KMT5B: variants seen among roughly 807,000 people sequenced by gnomAD.
The protein encoded by KMT5B is lysine methyltransferase 5B, also known as histone-lysine N-methyltransferase KMT5B.
KMT5B carries 10 observed loss-of-function variants against 83.2 expected under a neutral mutation model. The observed-to-expected ratio is 0.12, with a 90% CI of 0.07 to 0.20. KMT5B has a LOEUF of 0.20. KMT5B is among the 10% of genes least tolerant of loss of function. The pLI, the probability that KMT5B is intolerant of heterozygous loss-of-function variation, is 1.00. For missense variants in KMT5B, 753 were observed against 1,067.2 expected (o/e 0.71, Z 4.10); for synonymous variants, 349 against 388.8 (o/e 0.90, Z 1.20).
chr11:68,171,415 G>A lies in KMT5B; in HGVS notation c.820+128C>T. On this transcript the variant is annotated intron_variant, in intron 7 of 10. Transcript: ENST00000304363. This position sits in a 1 kb window ranked among gnomAD's most constrained non-coding sequence, Gnocchi z 5.1. ...AATATACATTTATTTTAATAAGTTT[G>A]TGGAAACATTTCTATTTCAAATTCT... 7.8e-7 allele frequency: 1 copy of A among 1,284,024 alleles called. No homozygotes were observed. Among genetic ancestry groups the A allele is most frequent in the Non-Finnish European group, 1.1e-6 (1 of 927,050 alleles). 79.5% of individuals were successfully genotyped at this position (1,284,024 alleles called of 1,614,324 possible). A position where few individuals can be genotyped will look rare whatever the true frequency, so the allele number is the denominator to read the frequency against.
chr11:68,157,895 G>C lies in KMT5B; in HGVS notation c.2451C>G (p.Asp817Glu). Residue 817 changes from aspartate (D) to glutamate (E), a missense_variant, in exon 11 of 11, where the codon GAC becomes GAG. Transcript: ENST00000304363. ...SLLESRMEVDDYSQYEEESTD... is the reference protein window; with the variant it reads ...SLLESRMEVDEYSQYEEESTD... ...TACTTTCTTCCTCATACTGACTATAGTCATCCACCTCCATTCGAGACTCCA... is the reference window on the plus strand; with the variant it reads ...TACTTTCTTCCTCATACTGACTATACTCATCCACCTCCATTCGAGACTCCA... 6.2e-7 allele frequency: 1 copy of C among 1,613,984 alleles called. No homozygotes were observed. Among genetic ancestry groups the C allele is most frequent in the Middle Eastern group, 1.6e-4 (1 of 6,062 alleles).
rs76469557 is a variant in KMT5B at position 68,192,593 on chromosome 11, T to C, written c.-76-2441A>G. Among the ~76,000 whole-genome samples the C allele has an allele frequency of 8.7e-4, 133 of 152,286 alleles. No individual in the cohort carries two copies. The East Asian group carries it at 0.02, about 23-fold the overall frequency. On this transcript the variant is annotated intron_variant, in intron 1 of 10. Coordinates refer to ENST00000304363, the MANE Select transcript of KMT5B (RefSeq NM_017635.5). ...TTGGTAATGCTCTGAACTGGGTGAG[T>C]AAACTACAAGGAAGTTATTTATCTC...
At chr11:68,166,941 A>G in intron 10 of KMT5B, 41 bp downstream of exon 10, 1 of 1,605,896 alleles carries the variant, frequency 6.2e-7, no homozygotes, top group South Asian at 1.1e-5. Context: ...TTGTGTGAAA[A>G]TACTTTTAAA....
intron 1 of KMT5B, among the ~76,000 whole-genome samples, chr11:68,205,508 A>G (rs1391465233): frequency 6.6e-6 from 1 of 152,172 alleles, no homozygotes; most frequent in Non-Finnish European, 1.5e-5. Context: ...ACATTTTTCT[A>G]TTTATATTAA....
At chr11:68,205,621 T>A (rs1860002005) in intron 1 of KMT5B, among the ~76,000 whole-genome samples, 1 of 148,484 alleles carries the variant, frequency 6.7e-6, no homozygotes, top group African/African-American at 2.5e-5. Flanking sequence ...ACATTCGCAA[T>A]TCTTTTTTTT....
At chr11:68,204,057 T>C (rs1008218345) in intron 1 of KMT5B, among the ~76,000 whole-genome samples, 4 of 152,212 alleles carry the variant, frequency 2.6e-5, no homozygotes, top group African/African-American at 9.6e-5. Flanking sequence ...CAGGTGGTAA[T>C]GCCCTCACTC....
At chr11:68,186,996 C>T (rs1460575650) in intron 2 of KMT5B, among the ~76,000 whole-genome samples, 3 of 151,952 alleles carry the variant, frequency 2.0e-5, no homozygotes, top group Non-Finnish European at 4.4e-5. Context: ...TACGACACAA[C>T]TCACTTTTTT....
At chr11:68,162,873 ACAGG>A (rs1854982721) in intron 10 of KMT5B, among the ~76,000 whole-genome samples, 2 of 152,342 alleles carry the variant, frequency 1.3e-5, no homozygotes, top group South Asian at 4.1e-4. Context: ...GAAAAAAAAG[ACAGG>A]CAAAGAATTT....
chr11:68,205,202 C>T (rs1203306531), intron 1 of KMT5B, among the ~76,000 whole-genome samples: 1 of 152,036 alleles, frequency 6.6e-6, no homozygotes, highest in Non-Finnish European at 1.5e-5. Context: ...ACTTCAGTCC[C>T]TGCTACTCAG....
chr11:68,190,980 A>G (rs1857976224), intron 1 of KMT5B, among the ~76,000 whole-genome samples: 1 of 152,168 alleles, frequency 6.6e-6, no homozygotes, highest in Non-Finnish European at 1.5e-5. Context: ...AGAAAAGAAA[A>G]TAATAATATA....
intron 10 of KMT5B, among the ~76,000 whole-genome samples, chr11:68,162,144 C>T (rs944751647): frequency 3.9e-5 from 6 of 152,194 alleles, no homozygotes; most frequent in Admixed American, 1.3e-4. Context: ...TTCCCTGTCT[C>T]GAAAGCCACA....
At chr11:68,203,170 T>A (rs1289355118) in intron 1 of KMT5B, among the ~76,000 whole-genome samples, 2 of 151,878 alleles carry the variant, frequency 1.3e-5, no homozygotes, top group Admixed American at 6.6e-5. Context: ...GAGACGAGGT[T>A]TCACCATGTT....
At position 68,158,809 on chromosome 11, in the gene KMT5B, C is replaced by T. The variant is rs369607375; in HGVS notation, c.1537G>A (p.Ala513Thr). ...AVASGCLTRH[A>T]AREHRQNPVR... ...GGATTCTGTCTGTGTTCTCTCGCCG[C>T]GTGTCTAGTCAAGCACCCGCTGGCA... The change falls in exon 11 of 11, where the codon GCG becomes ACG. Residue 513 changes from alanine (A) to threonine (T), a missense_variant. Ala to Thr is a moderately conservative substitution (Grantham distance 58). Coordinates refer to ENST00000304363, the MANE Select transcript of KMT5B (RefSeq NM_017635.5). 103 of 1,614,048 alleles carry T rather than the reference C, an allele frequency of 6.4e-5. No individual in the cohort carries two copies. Among genetic ancestry groups the T allele is most frequent in the Non-Finnish European group, 8.4e-5 (99 of 1,180,048 alleles).
chr11:68,166,347 C>T, intron 10 of KMT5B: 1 of 1,038,922 alleles, frequency 9.6e-7, no homozygotes, highest in Non-Finnish European at 1.2e-6. Context: ...TGCCCCCACA[C>T]ACCACTGGAA....
chr11:68,165,825 A>G (rs1235192909), intron 10 of KMT5B: 1 of 1,609,602 alleles, frequency 6.2e-7, no homozygotes, highest in Non-Finnish European at 8.5e-7. Flanking sequence ...ATAGGGCTAC[A>G]GCGCTGCTTT....
At chr11:68,198,466 ACAAG>A in intron 1 of KMT5B, among the ~76,000 whole-genome samples, 1 of 114,488 alleles carries the variant, frequency 8.7e-6, no homozygotes, top group East Asian at 3.2e-4. Flanking sequence ...ACAAGACAAG[ACAAG>A]ACAAGACAAG....
At chr11:68,163,929 T>C (rs1855070817) in intron 10 of KMT5B, among the ~76,000 whole-genome samples, 1 of 152,162 alleles carries the variant, frequency 6.6e-6, no homozygotes, top group Non-Finnish European at 1.5e-5. Flanking sequence ...CTCTGGCCGA[T>C]TCTTCTGGGG....
chr11:68,185,928 C>A lies in KMT5B; in HGVS notation c.161G>T (p.Cys54Phe). 2 of 1,575,480 alleles carry A rather than the reference C, an allele frequency of 1.3e-6. No individual in the cohort carries two copies. The highest frequency in any genetic ancestry group is 8.6e-7 in the Non-Finnish European group (1 of 1,160,216). Residue 54 changes from cysteine to phenylalanine, a missense_variant and splice_region_variant, in exon 3 of 11, where the codon TGT (cysteine) becomes TTT (phenylalanine). Physicochemically the swap from Cys to Phe is radical, Grantham distance 205. Around this residue, in one of 9 missense-constraint regions of KMT5B, gnomAD observed 56 missense variants for 91.4 expected, o/e 0.61. Transcript: ENST00000304363. ...TCCTTCAAATCCCGAGTTACCATTACCTGTGAAAAGCAAAAGCAAGAAAAA... is the reference window on the plus strand; with the variant it reads ...TCCTTCAAATCCCGAGTTACCATTAACTGTGAAAAGCAAAAGCAAGAAAAA... Reference protein sequence around the residue: ...KNAVERRSNRCNGNSGFEGQS... With the variant: ...KNAVERRSNRFNGNSGFEGQS...
At chr11:68,162,486 G>A (rs1282247049) in intron 10 of KMT5B, among the ~76,000 whole-genome samples, 1 of 152,118 alleles carries the variant, frequency 6.6e-6, no homozygotes, top group Non-Finnish European at 1.5e-5. Context: ...CCTCCCTGAG[G>A]GAGCCTCTCG....
Sources: allele counts gnomAD v4.1 joint callset (sites outside exome capture counted in the v4.1 genomes callset), GRCh38; gene constraint gnomAD v4.1.1; regional missense constraint gnomAD v4.1.1; non-coding constraint Gnocchi (gnomAD v3.1); transcripts MANE v1.5; gene names NCBI Gene and HGNC (gene_info 2026-07-23, HGNC 2026-07-21).